The following KIR3DL3 variants were observed in gnomAD, a reference collection of about 807,000 sequenced individuals.
KIR3DL3 encodes killer cell immunoglobulin like receptor, three Ig domains and long cytoplasmic tail 3.
In KIR3DL3, 27 loss-of-function variants were observed where a neutral mutation model predicts 34.9. The ratio of observed to expected loss-of-function variants is 0.77; its 90% CI spans 0.57 to 1.07. The LOEUF is 1.07. Among genes scored for constraint, KIR3DL3 ranks in the 50% least tolerant of loss-of-function variants. The pLI, the probability that KIR3DL3 is intolerant of heterozygous loss-of-function variation, is 0.00. For missense variants in KIR3DL3, 681 were observed against 528.5 expected (o/e 1.29, Z -2.83); for synonymous variants, 217 against 200.2 (o/e 1.08, Z -0.71).
Position 54,726,090 on chromosome 19 carries a change from C to T in KIR3DL3, c.108C>T (p.Gly36=). The T allele has an allele frequency of 6.2e-7, 1 of 1,613,384 alleles. No homozygotes were observed. The highest frequency in any genetic ancestry group is 8.5e-7 in the Non-Finnish European group (1 of 1,179,646). ...AGCCCTTCCTCTCTGCCTGGCCCGG[C>T]ACTGTGGTGTCTGAAGGACAACATG... ...QDKPFLSAWP[G]TVVSEGQHVT... The change falls in exon 3 of 8, where the codon GGC becomes GGT. Residue 36 remains glycine (G), a synonymous_variant. Transcript: ENST00000291860.
In KIR3DL3 at chr19:54,729,474, C is replaced by T; in HGVS notation, c.656-19C>T. 1 of 1,556,214 alleles carries T rather than the reference C, an allele frequency of 6.4e-7. No homozygotes were observed. The highest frequency in any genetic ancestry group is 2.3e-5 in the East Asian group (1 of 42,908). On this transcript the variant is annotated intron_variant, in intron 4 of 7. Transcript: ENST00000291860. The stretch of plus-strand genomic sequence containing the variant: ...ACAAGGAAGAACCTCCCTGAGGAAA[C>T]CACCTCTTCTTCTTCCAGGTCTATA...
intron 5 of KIR3DL3, among the ~76,000 whole-genome samples, chr19:54,731,321 A>C (rs2068765443): frequency 6.6e-6 from 1 of 151,648 alleles, no homozygotes; most frequent in African/African-American, 2.4e-5. Flanking sequence ...TTATTTTTTG[A>C]GGAACTTCCA....
chr19:54,733,772 A>C (rs2069098757), intron 5 of KIR3DL3, among the ~76,000 whole-genome samples: 1 of 152,154 alleles, frequency 6.6e-6, no homozygotes, highest in Non-Finnish European at 1.5e-5. Context: ...CATGGCATAA[A>C]ACTTGCCCCT....
chr19:54,727,586 C>T, intron 3 of KIR3DL3, 25 bp from the exon 4 acceptor site: 1 of 1,602,932 alleles, frequency 6.2e-7, no homozygotes, highest in South Asian at 1.1e-5. Flanking sequence ...GAGACGCCTT[C>T]TGAACTCACA....
intron 5 of KIR3DL3, among the ~76,000 whole-genome samples, chr19:54,731,809 G>T (rs1447407991): frequency 6.6e-6 from 1 of 151,826 alleles, no homozygotes; most frequent in African/African-American, 2.4e-5. Flanking sequence ...GCATCATTCA[G>T]ACTCTTCTTC....
chr19:54,724,496 C>T lies in KIR3DL3; in HGVS notation c.-1C>T. The T allele has an allele frequency of 6.2e-7, 1 of 1,613,246 alleles. No individual in the cohort carries two copies. The highest frequency in any genetic ancestry group is 1.1e-5 in the South Asian group (1 of 91,066). On this transcript the variant is annotated 5_prime_UTR_variant, in exon 1 of 8. Coordinates refer to ENST00000291860, the MANE Select transcript of KIR3DL3 (RefSeq NM_153443.5). The stretch of plus-strand genomic sequence containing the variant: ...AGCCGCCTGTCTGCACCGGCAGCAC[C>T]ATGTCGCTCATGGTCGTCAGCATGG...
At chr19:54,724,728 A>C (rs899322619) in intron 1 of KIR3DL3, among the ~76,000 whole-genome samples, 198 bp downstream of exon 1, 1 of 118,158 alleles carries the variant, frequency 8.5e-6, no homozygotes, top group Non-Finnish European at 1.8e-5. Context: ...TGAAGTAGAG[A>C]TATGGGCCTG....
chr19:54,732,958 G>A (rs1270509692), intron 5 of KIR3DL3, among the ~76,000 whole-genome samples: 16 of 152,294 alleles, frequency 1.1e-4, no homozygotes, highest in African/African-American at 2.9e-4. Flanking sequence ...GCCCAGGTGC[G>A]TAACTGGAAT....
chr19:54,731,123 C>T (rs1288320645), intron 5 of KIR3DL3, among the ~76,000 whole-genome samples: 2 of 151,962 alleles, frequency 1.3e-5, no homozygotes, highest in African/African-American at 2.4e-5. Flanking sequence ...TCCCCAGCCT[C>T]AGCCTCCCAA....
chr19:54,727,746 C>A lies in KIR3DL3; in HGVS notation c.491C>A (p.Pro164His), dbSNP rs1444746762. Reference sequence around the variant, plus strand: ...CACAGAGAGGGGATCACTGAGGACCCCTTGCGCCTCGTTGGACAGCTCCAC... The same window carrying A: ...CACAGAGAGGGGATCACTGAGGACCACTTGCGCCTCGTTGGACAGCTCCAC... ...LLHREGITED[P>H]LRLVGQLHDA... is the part of the protein sequence containing the mutation. The change falls in exon 4 of 8, where the codon CCC becomes CAC. Residue 164 changes from proline (P) to histidine (H), a missense_variant. Coordinates refer to ENST00000291860, the MANE Select transcript of KIR3DL3 (RefSeq NM_153443.5). The A allele has an allele frequency of 1.1e-4, 182 of 1,612,740 alleles. No individual in the cohort carries two copies. The highest frequency in any genetic ancestry group is 1.4e-4 in the Non-Finnish European group (171 of 1,179,668).
rs375683431 is a variant in KIR3DL3 at position 54,727,759 on chromosome 19, T to C, written c.504T>C (p.Val168=). The C allele has an allele frequency of 3.5e-4, 561 of 1,613,144 alleles. No individual in the cohort carries two copies. Among genetic ancestry groups the C allele is most frequent in the Non-Finnish European group, 4.3e-4 (508 of 1,179,800 alleles). Reference sequence around the variant, plus strand: ...TCACTGAGGACCCCTTGCGCCTCGTTGGACAGCTCCACGATGCGGGTTCCC... The same window carrying C: ...TCACTGAGGACCCCTTGCGCCTCGTCGGACAGCTCCACGATGCGGGTTCCC... ...EGITEDPLRL[V]GQLHDAGSQV... Residue 168 remains valine, a synonymous_variant, in exon 4 of 8, where the codon GTT becomes GTC. Coordinates refer to ENST00000291860, the MANE Select transcript of KIR3DL3 (RefSeq NM_153443.5).
At chr19:54,734,715 C>T (rs1401617226) in intron 5 of KIR3DL3, among the ~76,000 whole-genome samples, 2 of 147,128 alleles carry the variant, frequency 1.4e-5, no homozygotes, top group Non-Finnish European at 3.0e-5. Context: ...GTTCTGCAGG[C>T]TGTACTGGAA....
intron 2 of KIR3DL3, 147 bp downstream of exon 2, chr19:54,725,429 CA>C: frequency 2.8e-6 from 2 of 708,622 alleles, no homozygotes; most frequent in Non-Finnish European, 4.6e-6. Context: ...AAAAGGAAGC[CA>C]GGGGAAGCTT....
At position 54,727,805 on chromosome 19, in the gene KIR3DL3, C is replaced by G; in HGVS notation, c.550C>G (p.Pro184Ala). The G allele has an allele frequency of 1.9e-6, 3 of 1,613,906 alleles. No individual in the cohort carries two copies. Among genetic ancestry groups the G allele is most frequent in the Non-Finnish European group, 2.5e-6 (3 of 1,179,986 alleles). Residue 184 changes from proline (P) to alanine (A), a missense_variant, in exon 4 of 8, where the codon CCC (proline) becomes GCC (alanine). By Grantham distance (27) the Pro-to-Ala change is conservative (BLOSUM62 -1). Transcript: ENST00000291860. ...AGSQVNYSMG[P>A]MTPALAGTYR... ...TTCCCAGGTCAACTATTCCATGGGT[C>G]CCATGACACCTGCCCTTGCAGGGAC...
At chr19:54,728,636 C>T (rs2068457607) in intron 4 of KIR3DL3, among the ~76,000 whole-genome samples, 1 of 151,864 alleles carries the variant, frequency 6.6e-6, no homozygotes, top group African/African-American at 2.4e-5. Flanking sequence ...GACTCACAGA[C>T]ACATAAAGAG....
chr19:54,725,941 C>G (rs1385504529), intron 2 of KIR3DL3, 112 bp from the exon 3 acceptor site: 1 of 1,038,106 alleles, frequency 9.6e-7, no homozygotes, highest in East Asian at 2.4e-5. Flanking sequence ...CCCTGGGCAC[C>G]CAGGTGTGGT....
Position 54,736,233 on chromosome 19 carries a change from A to G in KIR3DL3, c.*137A>G. 1.7e-6 allele frequency: 2 copies of G among 1,184,130 alleles called. No homozygotes were observed. Among genetic ancestry groups the G allele is most frequent in the South Asian group, 2.5e-5 (2 of 79,512 alleles). 73.4% of individuals were successfully genotyped at this position (1,184,130 alleles called of 1,614,324 possible). On this transcript the variant is annotated 3_prime_UTR_variant, in exon 8 of 8. Transcript: ENST00000291860. The stretch of plus-strand genomic sequence containing the variant: ...GGGTTGCCAGCTCCCATGTACCAGC[A>G]GCTGGACTCTGAAGGCGTGAGTCTG...
chr19:54,727,563 G>C lies in KIR3DL3; in HGVS notation c.356-48G>C, dbSNP rs1259458191. The C allele has an allele frequency of 2.6e-6, 4 of 1,562,588 alleles. No individual in the cohort carries two copies. The East Asian group carries it at 9.0e-5, about 35-fold the overall frequency. On this transcript the variant is annotated intron_variant, in intron 3 of 7. Transcript: ENST00000291860. ...CTCACTTATTTCAGGTCCCATGAAT[G>C]GGATGAGAAAGGGAGACGCCTTCTG...
intron 5 of KIR3DL3, among the ~76,000 whole-genome samples, chr19:54,733,337 G>T (rs1247076750): frequency 3.3e-5 from 5 of 152,040 alleles, no homozygotes; most frequent in Non-Finnish European, 7.4e-5. Flanking sequence ...TTTGAGACCA[G>T]CCTGGCCAAC....
Sources: allele counts gnomAD v4.1 joint callset (sites outside exome capture counted in the v4.1 genomes callset), GRCh38; gene constraint gnomAD v4.1.1; transcripts MANE v1.5; gene names NCBI Gene and HGNC (gene_info 2026-07-23, HGNC 2026-07-21).